MBNL2: variants seen among roughly 807,000 people sequenced by gnomAD.
The protein encoded by MBNL2 is muscleblind-like protein 2.
MBNL2 carries 17 observed loss-of-function variants against 41.9 expected under a neutral mutation model. That is an observed-to-expected ratio of 0.41 (90% confidence interval 0.28 to 0.61). The LOEUF (loss-of-function observed/expected upper bound fraction) is 0.61. MBNL2 is among the 20% of genes least tolerant of loss of function. The pLI is 0.35. For missense variants in MBNL2, 336 were observed against 505.6 expected, an observed-to-expected ratio of 0.66 and a Z score of 3.22; for synonymous variants, 195 against 182.9, an observed-to-expected ratio of 1.07 and a Z score of -0.53.
intron 3 of MBNL2, among the ~76,000 whole-genome samples, chr13:97,335,366 A>G (rs2060789487): frequency 1.3e-5 from 2 of 152,296 alleles, no homozygotes; most frequent in Admixed American, 6.5e-5. Flanking sequence ...TTTTGTATAA[A>G]AATCCCTTTA....
chr13:97,348,906 G>A (rs2062150471), intron 5 of MBNL2, among the ~76,000 whole-genome samples: 1 of 152,214 alleles, frequency 6.6e-6, no homozygotes. Flanking sequence ...CCTGTGATCA[G>A]TGATAGGGAT....
At chr13:97,184,236 G>A in the MBNL2 span, among the ~76,000 whole-genome samples, 1 of 152,190 alleles carries the variant, frequency 6.6e-6, no homozygotes, top group South Asian at 2.1e-4. Context: ...ATTCTAAAGT[G>A]TGCATGCAAT....
chr13:97,147,486 C>A, the MBNL2 span, among the ~76,000 whole-genome samples: 1 of 151,930 alleles, frequency 6.6e-6, no homozygotes, highest in South Asian at 2.1e-4. Context: ...TTTTTTTTTA[C>A]CTACTGACTA....
chr13:97,164,250 C>T, the MBNL2 span, among the ~76,000 whole-genome samples: 2 of 152,248 alleles, frequency 1.3e-5, no homozygotes, highest in African/African-American at 4.8e-5. Flanking sequence ...TCAAGCGATC[C>T]ACTCTCCTTG....
At chr13:97,279,048 G>C (rs2052793825) in intron 2 of MBNL2, among the ~76,000 whole-genome samples, 1 of 152,202 alleles carries the variant, frequency 6.6e-6, no homozygotes, top group South Asian at 2.1e-4. Flanking sequence ...CGAGGTTCTT[G>C]TGAGGATTGC....
chr13:97,209,087 C>A, the MBNL2 span, among the ~76,000 whole-genome samples: 2 of 152,298 alleles, frequency 1.3e-5, no homozygotes, highest in African/African-American at 4.8e-5. Context: ...TAAATGAATT[C>A]AAAATCCTTG....
At chr13:97,228,967 A>G (rs542023069) in intron 1 of MBNL2, among the ~76,000 whole-genome samples, 37 of 151,978 alleles carry the variant, frequency 2.4e-4, no homozygotes, top group Non-Finnish European at 2.9e-5. Flanking sequence ...ACCTCTGGGA[A>G]TCCACACGTG....
At chr13:97,323,225 A>T (rs1395130846) in intron 2 of MBNL2, among the ~76,000 whole-genome samples, 2 of 152,218 alleles carry the variant, frequency 1.3e-5, no homozygotes, top group Non-Finnish European at 2.9e-5. Context: ...AGTTTGAAAA[A>T]GGCTGTAACA....
At chr13:97,189,395 A>C in the MBNL2 span, among the ~76,000 whole-genome samples, 4 of 152,192 alleles carry the variant, frequency 2.6e-5, no homozygotes, top group Admixed American at 2.6e-4. Context: ...GGAGGGAGGG[A>C]GGTAGTTCAA....
chr13:97,170,667 A>AT, the MBNL2 span, among the ~76,000 whole-genome samples: 1 of 152,116 alleles, frequency 6.6e-6, no homozygotes, highest in Non-Finnish European at 1.5e-5. Context: ...TGGTGGATCC[A>AT]GGTGGAGCCA....
intron 8 of MBNL2, among the ~76,000 whole-genome samples, chr13:97,367,834 C>G (rs545819012): frequency 3.9e-5 from 6 of 152,234 alleles, no homozygotes; most frequent in Non-Finnish European, 8.8e-5. Flanking sequence ...AACCGGTCCT[C>G]TAAGGAAAAC....
At chr13:97,335,103 C>T (rs766180080) in intron 3 of MBNL2, among the ~76,000 whole-genome samples, 2 of 152,274 alleles carry the variant, frequency 1.3e-5, no homozygotes, top group Non-Finnish European at 2.9e-5. Context: ...GACCAAATGC[C>T]GGAGGGACTT....
chr13:97,322,437 C>G, intron 2 of MBNL2, among the ~76,000 whole-genome samples: 1 of 152,170 alleles, frequency 6.6e-6, no homozygotes, highest in Non-Finnish European at 1.5e-5. Flanking sequence ...GCATTCAGCA[C>G]ACTCCTGGAC....
At chr13:97,179,137 C>T in the MBNL2 span, among the ~76,000 whole-genome samples, 6 of 152,116 alleles carry the variant, frequency 3.9e-5, no homozygotes, top group African/African-American at 1.2e-4. Flanking sequence ...AAACAAGCAA[C>T]GCCTCCCTTA....
chr13:97,174,761 C>T, the MBNL2 span, among the ~76,000 whole-genome samples: 1 of 152,030 alleles, frequency 6.6e-6, no homozygotes, highest in Non-Finnish European at 1.5e-5. Context: ...CAGAAGGTTT[C>T]TTTTCTGGAA....
At chr13:97,191,888 G>C in the MBNL2 span, among the ~76,000 whole-genome samples, 1 of 152,166 alleles carries the variant, frequency 6.6e-6, no homozygotes, top group Non-Finnish European at 1.5e-5. Context: ...GCCTCTCAAA[G>C]AAAGAGAAGA....
At chr13:97,169,203 C>G in the MBNL2 span, among the ~76,000 whole-genome samples, 2 of 152,206 alleles carry the variant, frequency 1.3e-5, no homozygotes, top group African/African-American at 4.8e-5. Context: ...ACTCCATAAT[C>G]TGGGGTAACT....
intron 8 of MBNL2, among the ~76,000 whole-genome samples, chr13:97,379,669 G>A (rs1249144278): frequency 7.2e-6 from 1 of 139,824 alleles, no homozygotes; most frequent in African/African-American, 2.6e-5. Context: ...AGCCCCAAAT[G>A]GGAAGGAGAA....
In MBNL2 at chr13:97,343,106, G is replaced by T; in HGVS notation, c.430G>T (p.Val144Phe). 1 of 1,613,818 alleles carries T rather than the reference G, an allele frequency of 6.2e-7. No individual in the cohort carries two copies. The highest frequency in any genetic ancestry group is 8.5e-7 in the Non-Finnish European group (1 of 1,179,726). The change falls in exon 4 of 9, where the codon GTC becomes TTC. Residue 144 changes from valine to phenylalanine, a missense_variant. Val to Phe is a conservative substitution (Grantham distance 50). Coordinates refer to ENST00000679496, the MANE Select transcript of MBNL2 (RefSeq NM_001382683.1). ...LAPVTPGVGL[V>F]PTEILPTTPV... is the part of the protein sequence containing the mutation. Reference sequence around the variant, plus strand: ...ACCTGTAACCCCTGGAGTTGGGTTGGTCCCAACGGAAATTCTGCCCACCAC... The same window carrying T: ...ACCTGTAACCCCTGGAGTTGGGTTGTTCCCAACGGAAATTCTGCCCACCAC...
Sources: allele counts gnomAD v4.1 joint callset (sites outside exome capture counted in the v4.1 genomes callset), GRCh38; gene constraint gnomAD v4.1.1; transcripts MANE v1.5; gene names NCBI Gene and HGNC (gene_info 2026-07-23, HGNC 2026-07-21).